Variants in NAV3 observed in about 807,000 individuals in gnomAD.
NAV3 encodes neuron navigator 3.
Under a neutral mutation model 244.7 loss-of-function variants are expected in NAV3, and 87 were observed. The observed-to-expected ratio is 0.36, with a 90% CI of 0.30 to 0.42. NAV3 has a LOEUF of 0.42. Among genes scored for constraint, NAV3 ranks in the 20% least tolerant of loss-of-function variants. The probability of loss-of-function intolerance (pLI) is 1.00; values close to 1 mark genes in which losing one functional copy is unlikely to be tolerated. For missense variants in NAV3, 2,663 were observed against 2,893.3 expected (o/e 0.92, Z 1.83); for synonymous variants, 1,126 against 1,042.2 (o/e 1.08, Z -1.55).
rs1489648748 is a variant in NAV3, at chr12:78,006,862, G to T, written c.1324G>T (p.Val442Leu). 6.2e-7 allele frequency: 1 copy of T among 1,614,144 alleles called. No individual in the cohort carries two copies. The highest frequency in any genetic ancestry group is 8.5e-7 in the Non-Finnish European group (1 of 1,180,032). Residue 442 changes from valine to leucine, a missense_variant, in exon 8 of 40, where the codon GTG (valine) becomes TTG (leucine). By Grantham distance (32) the Val-to-Leu change is conservative. Coordinates refer to ENST00000397909, the MANE Select transcript of NAV3 (RefSeq NM_001024383.2). ...TGGCTCAACAAATAGCAGTCCCAAA[G>T]TGTCACCTAAGTTGGCCCCTCCAAA... ...SGGSTNSSPKVSPKLAPPKAG... is the reference protein window; with the variant it reads ...SGGSTNSSPKLSPKLAPPKAG...
chr12:77,778,187 TCTCCTCTCCC>T (rs1441848516), intron 2 of NAV3, among the ~76,000 whole-genome samples: 2 of 98,294 alleles, frequency 2.0e-5, no homozygotes, highest in East Asian at 3.7e-4. Flanking sequence ...CCTCTCCTCC[TCTCCTCTCCC>T]CTCCTCTCCC....
At chr12:77,641,214 TC>T (rs1872396027) in intron 2 of NAV3, among the ~76,000 whole-genome samples, 1 of 152,098 alleles carries the variant, frequency 6.6e-6, no homozygotes, top group Non-Finnish European at 1.5e-5. Context: ...AGTCTGAGTA[TC>T]AAGTTGCCAC....
At chr12:78,126,780 T>C (rs549181764) in intron 16 of NAV3, among the ~76,000 whole-genome samples, 1 of 152,292 alleles carries the variant, frequency 6.6e-6, no homozygotes, top group African/African-American at 2.4e-5. Context: ...TTGGAAGTTG[T>C]CACTCTAACT....
intron 1 of NAV3, among the ~76,000 whole-genome samples, chr12:77,836,041 T>C (rs186214652): frequency 1.1e-4 from 16 of 152,336 alleles, no homozygotes; most frequent in African/African-American, 3.8e-4. Context: ...CTATATCTTG[T>C]TCTGATTTCT....
chr12:77,624,762 C>T (rs1403123150), intron 2 of NAV3, among the ~76,000 whole-genome samples: 1 of 152,082 alleles, frequency 6.6e-6, no homozygotes, highest in Non-Finnish European at 1.5e-5. Context: ...TGACATTAAC[C>T]ATCAGATTTA....
At chr12:77,952,729 C>A (rs1277307045) in intron 3 of NAV3, among the ~76,000 whole-genome samples, 1 of 152,048 alleles carries the variant, frequency 6.6e-6, no homozygotes, top group African/African-American at 2.4e-5. Flanking sequence ...CCCAAACTTG[C>A]AATATAAATA....
chr12:77,625,077 T>C (rs908882003), intron 2 of NAV3, among the ~76,000 whole-genome samples: 1 of 152,082 alleles, frequency 6.6e-6, no homozygotes, highest in South Asian at 2.1e-4. Context: ...TGGAAAAAAA[T>C]TTTTTTAAGA....
At chr12:78,190,347 A>G in intron 34 of NAV3, 128 bp downstream of exon 34, 1 of 734,470 alleles carries the variant, frequency 1.4e-6, no homozygotes, top group South Asian at 1.9e-5. Context: ...TTTTACTAGA[A>G]TTGTAACCTG....
chr12:77,776,660 A>ATG (rs1870374326), intron 2 of NAV3, among the ~76,000 whole-genome samples: 2 of 152,190 alleles, frequency 1.3e-5, no homozygotes, highest in African/African-American at 4.8e-5. Flanking sequence ...ACCACTGACA[A>ATG]ACATGGTTTC....
intron 2 of NAV3, among the ~76,000 whole-genome samples, chr12:77,803,897 CAT>C (rs1364006408): frequency 6.6e-6 from 1 of 152,138 alleles, no homozygotes; most frequent in Non-Finnish European, 1.5e-5. Context: ...AGCTTCTTTT[CAT>C]ATGTTTTTTG....
At chr12:77,860,801 G>T (rs1349118092) in intron 1 of NAV3, among the ~76,000 whole-genome samples, 1 of 151,766 alleles carries the variant, frequency 6.6e-6, no homozygotes, top group Non-Finnish European at 1.5e-5. Flanking sequence ...ATTTTGAGTG[G>T]CAATGAACGT....
intron 3 of NAV3, among the ~76,000 whole-genome samples, chr12:77,955,330 C>T (rs887680225): frequency 6.6e-6 from 1 of 152,134 alleles, no homozygotes; most frequent in Non-Finnish European, 1.5e-5. Context: ...TCCCCTCCTT[C>T]AGCAAAACCT....
intron 1 of NAV3, among the ~76,000 whole-genome samples, chr12:77,874,260 C>T (rs976305536): frequency 1.3e-5 from 2 of 152,018 alleles, no homozygotes; most frequent in East Asian, 3.9e-4. Flanking sequence ...ACTGTGTTGC[C>T]CAGGTTGGAG....
chr12:77,670,257 A>T (rs1162809945), intron 2 of NAV3, among the ~76,000 whole-genome samples: 1 of 152,080 alleles, frequency 6.6e-6, no homozygotes, highest in Non-Finnish European at 1.5e-5. Flanking sequence ...AGATATAGAA[A>T]CTCTGAACAG....
chr12:78,042,419 A>T (rs1027695886), intron 9 of NAV3, among the ~76,000 whole-genome samples: 4 of 152,260 alleles, frequency 2.6e-5, no homozygotes, highest in Non-Finnish European at 4.4e-5. Context: ...TGGAGAAGTA[A>T]TTAAAAATAA....
intron 2 of NAV3, among the ~76,000 whole-genome samples, chr12:77,581,403 A>G (rs1226136821): frequency 6.6e-6 from 1 of 152,206 alleles, no homozygotes; most frequent in African/African-American, 2.4e-5. Flanking sequence ...GGGATGAACT[A>G]TCCTTTATAA....
chr12:77,727,988 ATT>A (rs112745297), intron 2 of NAV3, among the ~76,000 whole-genome samples: 32 of 149,164 alleles, frequency 2.1e-4, no homozygotes, highest in African/African-American at 7.8e-4. Flanking sequence ...CCTCATCAGT[ATT>A]TTTTTTTTAG....
At chr12:77,947,203 G>T (rs566387600) in intron 3 of NAV3, among the ~76,000 whole-genome samples, 1 of 152,052 alleles carries the variant, frequency 6.6e-6, no homozygotes, top group Admixed American at 6.6e-5. Flanking sequence ...ATAGGGTTAT[G>T]GCTCCCAGAA....
At chr12:77,683,899 T>C (rs1040922060) in intron 2 of NAV3, among the ~76,000 whole-genome samples, 3 of 152,216 alleles carry the variant, frequency 2.0e-5, no homozygotes, top group African/African-American at 7.2e-5. Context: ...AGTTACTCCA[T>C]ACATTTGTGT....
Sources: allele counts gnomAD v4.1 joint callset (sites outside exome capture counted in the v4.1 genomes callset), GRCh38; gene constraint gnomAD v4.1.1; transcripts MANE v1.5; gene names NCBI Gene and HGNC (gene_info 2026-07-23, HGNC 2026-07-21).